The following SLC44A5 variants were observed in gnomAD, a reference collection of about 807,000 sequenced individuals.
SLC44A5 encodes solute carrier family 44 member 5.
Under a neutral mutation model 101.8 loss-of-function variants are expected in SLC44A5, and 57 were observed. That is an observed-to-expected ratio of 0.56 (90% CI 0.45 to 0.70). SLC44A5 has a LOEUF of 0.70. Among genes scored for constraint, SLC44A5 ranks in the 30% least tolerant of loss-of-function variants. The probability of loss-of-function intolerance (pLI) is 0.00; values close to 1 mark genes in which losing one functional copy is unlikely to be tolerated. For synonymous variants in SLC44A5, 281 were observed against 290.9 expected, an observed-to-expected ratio of 0.97 and a Z score of 0.35; for missense variants, 737 against 853.1, an observed-to-expected ratio of 0.86 and a Z score of 1.70.
At chr1:75,443,408 T>C (rs757049553) in intron 2 of SLC44A5, among the ~76,000 whole-genome samples, 5 of 151,730 alleles carry the variant, frequency 3.3e-5, no homozygotes, top group Admixed American at 6.6e-5. Flanking sequence ...ATATTGAATA[T>C]GAAAGGGGTG....
At chr1:75,715,991 G>A in the SLC44A5 span, among the ~76,000 whole-genome samples, 1 of 152,136 alleles carries the variant, frequency 6.6e-6, no homozygotes, top group Non-Finnish European at 1.5e-5. Context: ...CCGTTAAAAA[G>A]TAAGCAAAAG....
the SLC44A5 span, among the ~76,000 whole-genome samples, chr1:75,662,668 A>G: frequency 6.2e-5 from 8 of 129,036 alleles, no homozygotes; most frequent in African/African-American, 2.6e-4. Flanking sequence ...TAAAAATTAG[A>G]TATATGTATG....
chr1:75,654,315 C>G, the SLC44A5 span, among the ~76,000 whole-genome samples: 2 of 152,280 alleles, frequency 1.3e-5, no homozygotes, highest in East Asian at 1.9e-4. Context: ...ATAAAATAAA[C>G]TAACATTACT....
chr1:75,436,405 G>A (rs1055176588), intron 2 of SLC44A5, among the ~76,000 whole-genome samples: 3 of 151,842 alleles, frequency 2.0e-5, no homozygotes. Flanking sequence ...CTTTCAATTG[G>A]TAACACAATA....
chr1:75,540,119 C>T (rs17303788), intron 2 of SLC44A5, among the ~76,000 whole-genome samples: 25,002 of 152,004 alleles, frequency 0.16, 2,238 homozygotes, highest in Admixed American at 0.24. Context: ...TTCACCTAAC[C>T]CTTTGTAACA....
chr1:75,389,242 A>G (rs1661621556), intron 3 of SLC44A5, among the ~76,000 whole-genome samples: 2 of 152,206 alleles, frequency 1.3e-5, no homozygotes, highest in Non-Finnish European at 2.9e-5. Flanking sequence ...GAACCTCAAT[A>G]CCCTAACTAA....
intron 1 of SLC44A5, among the ~76,000 whole-genome samples, chr1:75,557,408 A>C (rs1672277983): frequency 1.3e-5 from 2 of 152,066 alleles, no homozygotes; most frequent in Non-Finnish European, 2.9e-5. Context: ...GAGTGAATAC[A>C]CAGAAGAAAG....
rs185561487 is a variant in SLC44A5 at position 75,354,865 on chromosome 1, C to T, written c.53-15235G>A. 4.1e-3 allele frequency among the ~76,000 whole-genome samples: 629 copies of T among 152,210 alleles called. 2 individuals are homozygous for T. Among genetic ancestry groups the T allele is most frequent in the Middle Eastern group, 0.01 (3 of 294 alleles). ...TATGTTCTCAAGAAGAAAGGAGCTCCGGGCTTCTTTTCTGTGCCACAGTGG... is the reference window on the plus strand; with the variant it reads ...TATGTTCTCAAGAAGAAAGGAGCTCTGGGCTTCTTTTCTGTGCCACAGTGG... On this transcript the variant is annotated intron_variant, in intron 3 of 23. Coordinates refer to ENST00000370859, the MANE Select transcript of SLC44A5 (RefSeq NM_001130058.2).
chr1:75,270,024 C>A (rs945228044), intron 6 of SLC44A5, among the ~76,000 whole-genome samples: 5 of 152,108 alleles, frequency 3.3e-5, no homozygotes, highest in African/African-American at 9.7e-5. Context: ...GTCTTGTCTG[C>A]CACCGTGTAA....
intron 1 of SLC44A5, among the ~76,000 whole-genome samples, chr1:75,607,453 A>G (rs1675386807): frequency 6.8e-6 from 1 of 147,180 alleles, no homozygotes; most frequent in Non-Finnish European, 1.5e-5. Flanking sequence ...TAATTGACAA[A>G]TAAAGACTGT....
Position 75,242,174 on chromosome 1 carries a change from A to G in SLC44A5, c.472-113T>C, listed in dbSNP as rs988309302. The stretch of plus-strand genomic sequence containing the variant: ...ACTCCATAATAATCTCCTTATTTCA[A>G]ATTACTTCTACTAATAATATTAATT... On this transcript the variant is annotated intron_variant, in intron 8 of 23. Coordinates refer to ENST00000370859, the MANE Select transcript of SLC44A5 (RefSeq NM_001130058.2). 3.4e-5 allele frequency: 23 copies of G among 677,446 alleles called. No individual in the cohort carries two copies. In the Admixed American group the frequency reaches 4.0e-4, roughly 12 times the overall value. The allele number at this position is 677,446 out of a possible 1,614,324, so 42.0% of individuals were successfully genotyped here. A position where few individuals can be genotyped will look rare whatever the true frequency, so the allele number is the denominator to read the frequency against.
At chr1:75,624,676 T>C in the SLC44A5 span, among the ~76,000 whole-genome samples, 1 of 152,042 alleles carries the variant, frequency 6.6e-6, no homozygotes, top group Non-Finnish European at 1.5e-5. Context: ...ATCTGGACCT[T>C]GAAAATGAGA....
At chr1:75,716,096 C>T in the SLC44A5 span, among the ~76,000 whole-genome samples, 1 of 152,274 alleles carries the variant, frequency 6.6e-6, no homozygotes, top group African/African-American at 2.4e-5. Context: ...AAATGCAAAT[C>T]AAAACCACAA....
At chr1:75,464,562 G>A (rs756808939) in intron 2 of SLC44A5, among the ~76,000 whole-genome samples, 22 of 151,938 alleles carry the variant, frequency 1.4e-4, no homozygotes, top group Non-Finnish European at 2.8e-4. Flanking sequence ...TAATAATAAC[G>A]TTGAATGTAA....
At chr1:75,562,239 T>C (rs558096567) in intron 1 of SLC44A5, among the ~76,000 whole-genome samples, 1 of 152,262 alleles carries the variant, frequency 6.6e-6, no homozygotes, top group South Asian at 2.1e-4. Flanking sequence ...TATTTGAATT[T>C]TTTTCTACCC....
the SLC44A5 span, among the ~76,000 whole-genome samples, chr1:75,644,260 C>T: frequency 6.6e-6 from 1 of 151,984 alleles, no homozygotes; most frequent in Non-Finnish European, 1.5e-5. Flanking sequence ...AAGCTACAGT[C>T]AAGAGTTTTA....
At chr1:75,494,099 G>T (rs748234756) in intron 2 of SLC44A5, among the ~76,000 whole-genome samples, 4 of 152,170 alleles carry the variant, frequency 2.6e-5, no homozygotes, top group Non-Finnish European at 5.9e-5. Context: ...GGTCATCGGG[G>T]CAATGCCATT....
chr1:75,568,362 C>A (rs1011111961), intron 1 of SLC44A5, among the ~76,000 whole-genome samples: 1 of 152,136 alleles, frequency 6.6e-6, no homozygotes, highest in Non-Finnish European at 1.5e-5. Context: ...TTATACAATT[C>A]TTCACCAACT....
intron 2 of SLC44A5, among the ~76,000 whole-genome samples, chr1:75,540,404 C>G (rs1324322347): frequency 1.3e-5 from 2 of 152,162 alleles, no homozygotes; most frequent in Non-Finnish European, 2.9e-5. Flanking sequence ...AAGAAGCAAT[C>G]CACAGTCAAA....
Sources: allele counts gnomAD v4.1 joint callset (sites outside exome capture counted in the v4.1 genomes callset), GRCh38; gene constraint gnomAD v4.1.1; transcripts MANE v1.5; gene names NCBI Gene and HGNC (gene_info 2026-07-23, HGNC 2026-07-21).